Variants in C10orf67 observed in about 807,000 individuals in gnomAD.
The protein encoded by C10orf67 is uncharacterized protein C10orf67, mitochondrial.
In C10orf67, 60 loss-of-function variants were observed where a neutral mutation model predicts 35.6. The observed-to-expected ratio is 1.68, with a 90% CI of 1.37 to 2.09. The LOEUF is 2.09. C10orf67 is among the 30% of genes most tolerant of loss of function. C10orf67 has a pLI of 0.00. For synonymous variants in C10orf67, 167 were observed against 115.8 expected, an observed-to-expected ratio of 1.44 and a Z score of -2.84; for missense variants, 474 against 330.2, an observed-to-expected ratio of 1.44 and a Z score of -3.38.
At chr10:23,342,845 G>A (rs772010222) in intron 1 of C10orf67, among the ~76,000 whole-genome samples, 9 of 152,262 alleles carry the variant, frequency 5.9e-5, no homozygotes, top group Non-Finnish European at 1.3e-4. Flanking sequence ...TAGGACACCT[G>A]TGGTCCCTTC....
intron 15 of C10orf67, among the ~76,000 whole-genome samples, chr10:23,218,291 T>A (rs527780633): frequency 6.7e-6 from 1 of 149,662 alleles, no homozygotes; most frequent in South Asian, 2.1e-4. Flanking sequence ...CAGGTTCACA[T>A]CACTACACGA....
intron 4 of C10orf67, among the ~76,000 whole-genome samples, chr10:23,312,249 T>C (rs113125942): frequency 1.3e-3 from 191 of 152,366 alleles, no homozygotes; most frequent in African/African-American, 4.4e-3. Flanking sequence ...TATTTACTTA[T>C]AACAGTGAGC....
intron 1 of C10orf67, among the ~76,000 whole-genome samples, chr10:23,342,850 C>A (rs1425850720): frequency 6.6e-6 from 1 of 152,268 alleles, no homozygotes; most frequent in African/African-American, 2.4e-5. Context: ...CACCTGTGGT[C>A]CCTTCTTCTC....
intron 12 of C10orf67, among the ~76,000 whole-genome samples, chr10:23,246,703 T>C (rs1344412721): frequency 1.3e-5 from 2 of 152,202 alleles, no homozygotes; most frequent in Non-Finnish European, 1.5e-5. Flanking sequence ...ATCCTGACCC[T>C]GTGTAGGCTT....
chr10:23,246,617 G>T (rs1842322283), intron 12 of C10orf67, among the ~76,000 whole-genome samples: 1 of 152,120 alleles, frequency 6.6e-6, no homozygotes, highest in Non-Finnish European at 1.5e-5. Flanking sequence ...GTCAAAGATG[G>T]ACTGCATATA....
At chr10:23,342,000 T>A (rs887053932) in intron 1 of C10orf67, among the ~76,000 whole-genome samples, 1 of 152,024 alleles carries the variant, frequency 6.6e-6, no homozygotes, top group African/African-American at 2.4e-5. Context: ...AGCAAGACCC[T>A]GTATTAAAAA....
At chr10:23,308,088 C>T (rs1844353582) in intron 4 of C10orf67, among the ~76,000 whole-genome samples, 1 of 152,194 alleles carries the variant, frequency 6.6e-6, no homozygotes, top group Non-Finnish European at 1.5e-5. Context: ...CAGAGTTCAA[C>T]ACCTTCACTG....
At chr10:23,265,478 C>T (rs1374519277) in intron 10 of C10orf67, among the ~76,000 whole-genome samples, 1 of 152,154 alleles carries the variant, frequency 6.6e-6, no homozygotes, top group African/African-American at 2.4e-5. Context: ...GTGTGAAGCA[C>T]GACATTGGCC....
intron 13 of C10orf67, among the ~76,000 whole-genome samples, chr10:23,227,091 G>A (rs1841762369): frequency 6.6e-6 from 1 of 152,184 alleles, no homozygotes; most frequent in Admixed American, 6.5e-5. Flanking sequence ...CTCATTTTAT[G>A]AGGCCAGCAT....
chr10:23,212,778 TGAGA>T (rs58972226), intron 15 of C10orf67, among the ~76,000 whole-genome samples: 20,956 of 100,594 alleles, frequency 0.21, 1,932 homozygotes, highest in East Asian at 0.26. Context: ...AATATTGTAT[TGAGA>T]GAGAGAGAGA....
intron 15 of C10orf67, among the ~76,000 whole-genome samples, chr10:23,217,008 T>G (rs890435600): frequency 6.6e-6 from 1 of 152,200 alleles, no homozygotes; most frequent in East Asian, 1.9e-4. Flanking sequence ...AAATATTTCC[T>G]CATAAAAAAT....
intron 5 of C10orf67, 36 bp downstream of exon 5, chr10:23,303,268 A>T: frequency 4.1e-6 from 2 of 484,604 alleles, no homozygotes; most frequent in Non-Finnish European, 7.4e-6. Context: ...TTATTTATGT[A>T]TATTAAAATT....
At chr10:23,233,031 C>T (rs1346346275) in intron 13 of C10orf67, among the ~76,000 whole-genome samples, 2 of 152,102 alleles carry the variant, frequency 1.3e-5, no homozygotes, top group Non-Finnish European at 2.9e-5. Context: ...ATGGTGCACA[C>T]CTGCAGTCCC....
downstream of C10orf67, chr10:23,202,160 C>T (rs1308173208): frequency 6.6e-6 from 1 of 152,260 alleles, no homozygotes; most frequent in African/African-American, 2.4e-5. Context: ...CCCCGGTATT[C>T]TCCTCCAAAC....
intron 13 of C10orf67, among the ~76,000 whole-genome samples, chr10:23,233,629 A>C (rs1028113706): frequency 6.6e-6 from 1 of 152,230 alleles, no homozygotes; most frequent in Admixed American, 6.5e-5. Context: ...GATAAAAAGA[A>C]TAACATAATC....
chr10:23,272,446 A>G (rs1843054626), intron 8 of C10orf67, among the ~76,000 whole-genome samples: 2 of 152,226 alleles, frequency 1.3e-5, no homozygotes, highest in Admixed American at 1.3e-4. Flanking sequence ...TGAAAAGATT[A>G]TCCTTACTAC....
intron 15 of C10orf67, among the ~76,000 whole-genome samples, chr10:23,213,193 C>T (rs1379575762): frequency 1.3e-5 from 2 of 152,104 alleles, no homozygotes; most frequent in African/African-American, 4.8e-5. Context: ...TTGAAGAATT[C>T]ACCCATATAC....
chr10:23,343,977 A>C, intron 1 of C10orf67: 2 of 457,840 alleles, frequency 4.4e-6, no homozygotes, highest in South Asian at 1.6e-5. Flanking sequence ...CCTCTGTCTC[A>C]GGCGAGTCGC....
intron 2 of C10orf67, among the ~76,000 whole-genome samples, chr10:23,326,220 C>G (rs934678587): frequency 6.6e-6 from 1 of 151,934 alleles, no homozygotes; most frequent in Non-Finnish European, 1.5e-5. Flanking sequence ...TGCATCAAAA[C>G]CACACTTAGG....
Sources: allele counts gnomAD v4.1 joint callset (sites outside exome capture counted in the v4.1 genomes callset), GRCh38; gene constraint gnomAD v4.1.1; transcripts MANE v1.5; gene names NCBI Gene and HGNC (gene_info 2026-07-23, HGNC 2026-07-21).